KCNQ1: variants seen among roughly 807,000 people sequenced by gnomAD.
The protein encoded by KCNQ1 is potassium voltage-gated channel subfamily KQT member 1.
Under a neutral mutation model 72.4 loss-of-function variants are expected in KCNQ1, and 49 were observed. That is an observed-to-expected ratio of 0.68 (90% CI 0.54 to 0.86). The LOEUF (loss-of-function observed/expected upper bound fraction) is 0.86, where lower values mean the gene tolerates loss of function less well. Among genes scored for constraint, KCNQ1 ranks in the 40% least tolerant of loss-of-function variants. The pLI is 0.00. For missense variants in KCNQ1, 790 were observed against 945.1 expected, an observed-to-expected ratio of 0.84 and a Z score of 2.15; for synonymous variants, 450 against 412.6, an observed-to-expected ratio of 1.09 and a Z score of -1.10.
chr11:2,616,279 C>T (rs1849063014), intron 10 of KCNQ1: 2 of 395,712 alleles, frequency 5.1e-6, no homozygotes, highest in East Asian at 7.2e-5. Flanking sequence ...TGCAACTTCT[C>T]TAATTTTTTA....
chr11:2,706,831 G>A (rs566938989), intron 11 of KCNQ1, among the ~76,000 whole-genome samples: 5 of 152,308 alleles, frequency 3.3e-5, no homozygotes, highest in African/African-American at 9.6e-5. Context: ...ACCACTCCCC[G>A]GTGCAGGTCC....
rs1305753097 is a variant in KCNQ1, at chr11:2,672,457, G to A, written c.1514+10376G>A. The A allele has an allele frequency of 1.8e-5, 7 of 398,516 alleles. No individual in the cohort carries two copies. Among genetic ancestry groups the A allele is most frequent in the Non-Finnish European group, 3.1e-5 (7 of 226,114 alleles). The allele number at this position is 398,516 out of a possible 1,614,324, so 24.7% of individuals were successfully genotyped here. A position where few individuals can be genotyped will look rare whatever the true frequency, so the allele number is the denominator to read the frequency against. ...AGGGGCTCTGAAGAGCTTCAATTGA[G>A]ATATCCTTCCCTAAGGTCCCCACAT... On this transcript the variant is annotated intron_variant, in intron 11 of 15. Coordinates refer to ENST00000155840, the MANE Select transcript of KCNQ1 (RefSeq NM_000218.3).
chr11:2,718,111 G>A (rs545130491), intron 11 of KCNQ1, among the ~76,000 whole-genome samples: 95 of 152,304 alleles, frequency 6.2e-4, no homozygotes, highest in African/African-American at 7.9e-4. Flanking sequence ...CGCGTGCCCC[G>A]TCCTGGCTTA....
rs892030704 is a variant in KCNQ1 at position 2,509,902 on chromosome 11, G to C, written c.387-18026G>C. ...CATGGAGGTGACAAGTGACAGCCGGGAACAGACCCACTGCCAGGGCTGCCT... is the reference window on the plus strand; with the variant it reads ...CATGGAGGTGACAAGTGACAGCCGGCAACAGACCCACTGCCAGGGCTGCCT... On this transcript the variant is annotated intron_variant, in intron 1 of 15. Transcript: ENST00000155840. This position sits in a 1 kb window ranked among gnomAD's most constrained non-coding sequence, Gnocchi z 6.3. Among the ~76,000 whole-genome samples the C allele has an allele frequency of 4.6e-5, 7 of 152,166 alleles. No individual in the cohort carries two copies. The highest frequency in any genetic ancestry group is 1.3e-4 in the Admixed American group (2 of 15,280).
intron 11 of KCNQ1, among the ~76,000 whole-genome samples, chr11:2,765,555 T>G (rs1023972686): frequency 6.6e-6 from 1 of 152,266 alleles, no homozygotes; most frequent in Non-Finnish European, 1.5e-5. Flanking sequence ...CTTTGACTGC[T>G]TTTCTATCAG....
intron 7 of KCNQ1, 49 bp from the exon 8 acceptor site, chr11:2,585,163 G>C (rs1420073101): frequency 1.3e-6 from 2 of 1,519,416 alleles, no homozygotes; most frequent in Non-Finnish European, 1.8e-6. Context: ...GCTGCACCCA[G>C]CTGGCAGTGG....
intron 15 of KCNQ1, among the ~76,000 whole-genome samples, chr11:2,831,646 CT>C (rs1204439919): frequency 2.0e-5 from 3 of 150,698 alleles, no homozygotes; most frequent in Non-Finnish European, 3.0e-5. Context: ...CACATTGCCC[CT>C]CCTCCCCTTT....
intron 12 of KCNQ1, among the ~76,000 whole-genome samples, chr11:2,773,543 A>C (rs1174543085): frequency 2.0e-5 from 3 of 151,912 alleles, no homozygotes; most frequent in Non-Finnish European, 4.4e-5. Flanking sequence ...ATCTTACAGA[A>C]GGGAGCTCAG....
rs1848252514 is a variant in KCNQ1, at chr11:2,566,684, C to T, written c.478-3944C>T. 2.0e-5 allele frequency among the ~76,000 whole-genome samples: 3 copies of T among 152,116 alleles called. No homozygotes were observed. In the South Asian group the frequency reaches 6.2e-4, roughly 32 times the overall value. On this transcript the variant is annotated intron_variant, in intron 2 of 15. Transcript: ENST00000155840. The surrounding 1 kb of genome is among the most constrained non-coding windows in gnomAD (Gnocchi z 6.7). The stretch of plus-strand genomic sequence containing the variant: ...TGGTCTCAGTGGAGACCAAGGACGG[C>T]TCTTCTTCTCGTATCTACGGGGCAG...
chr11:2,534,111 C>A (rs1429335484), intron 2 of KCNQ1, among the ~76,000 whole-genome samples: 1 of 152,106 alleles, frequency 6.6e-6, no homozygotes, highest in African/African-American at 2.4e-5. Context: ...CCTCCCAGCT[C>A]AGAGCAAGGC....
In KCNQ1 at chr11:2,549,371, C is replaced by T. The variant is rs1280727794; in HGVS notation, c.478-21257C>T. On this transcript the variant is annotated intron_variant, in intron 2 of 15. Coordinates refer to ENST00000155840, the MANE Select transcript of KCNQ1 (RefSeq NM_000218.3). The surrounding 1 kb of genome is among the most constrained non-coding windows in gnomAD (Gnocchi z 6.2). ...GGGCGACCCTCCTTGGCCGTCCTTGCCATCCTCGCCATCCTCTCTCCACAC... is the reference window on the plus strand; with the variant it reads ...GGGCGACCCTCCTTGGCCGTCCTTGTCATCCTCGCCATCCTCTCTCCACAC... Among the ~76,000 whole-genome samples, 3 of 152,008 alleles carry T rather than the reference C, an allele frequency of 2.0e-5. No individual in the cohort carries two copies. The highest frequency in any genetic ancestry group is 4.4e-5 in the Non-Finnish European group (3 of 67,972).
Position 2,577,462 on chromosome 11 carries a change from C to T in KCNQ1, c.921+4476C>T, listed in dbSNP as rs555207777. ...GCCTGGCTGTACCTCGGGGAAGACG[C>T]GGCCTGGGGCCTGGGTGCCATGGGG... On this transcript the variant is annotated intron_variant, in intron 6 of 15. Coordinates refer to ENST00000155840, the MANE Select transcript of KCNQ1 (RefSeq NM_000218.3). 3.3e-3 allele frequency among the ~76,000 whole-genome samples: 503 copies of T among 152,328 alleles called. 1 individual carries two copies. The highest frequency in any genetic ancestry group is 0.011 in the African/African-American group (469 of 41,574).
intron 15 of KCNQ1, among the ~76,000 whole-genome samples, chr11:2,807,982 G>T (rs551696378): frequency 6.6e-6 from 1 of 152,330 alleles, no homozygotes; most frequent in African/African-American, 2.4e-5. Flanking sequence ...GTAAGGATGA[G>T]ACAGGAACGG....
Position 2,818,986 on chromosome 11 carries a change from C to T in KCNQ1, c.1795-28781C>T, listed in dbSNP as rs1354087066. Among the ~76,000 whole-genome samples, 1 of 152,206 alleles carries T rather than the reference C, an allele frequency of 6.6e-6. No individual in the cohort carries two copies. The highest frequency in any genetic ancestry group is 1.9e-4 in the East Asian group (1 of 5,190). Reference sequence around the variant, plus strand: ...CCCCACAGGACCCACATCCTGCTCCCAGCTCCAGCCTGAAAGGAGCTAGTC... The same window carrying T: ...CCCCACAGGACCCACATCCTGCTCCTAGCTCCAGCCTGAAAGGAGCTAGTC... On this transcript the variant is annotated intron_variant, in intron 15 of 15. Transcript: ENST00000155840. This position sits in a 1 kb window ranked among gnomAD's most constrained non-coding sequence, Gnocchi z 7.2.
chr11:2,445,373 C>G lies in KCNQ1; in HGVS notation c.275C>G (p.Ser92Cys), dbSNP rs752170852. Reference sequence around the variant, plus strand: ...CCGGTGAGCCTAGACCCGCGCGTCTCCATCTACAGCACGCGCCGCCCGGTG... The same window carrying G: ...CCGGTGAGCCTAGACCCGCGCGTCTGCATCTACAGCACGCGCCGCCCGGTG... ...RPPVSLDPRV[S>C]IYSTRRPVLA... Residue 92 changes from serine (S) to cysteine (C), a missense_variant, in exon 1 of 16, where the codon TCC becomes TGC. Around this residue, in one of 5 missense-constraint regions of KCNQ1, gnomAD observed 294 missense variants for 323.3 expected, o/e 0.91. Coordinates refer to ENST00000155840, the MANE Select transcript of KCNQ1 (RefSeq NM_000218.3). 38 of 1,597,730 alleles carry G rather than the reference C, an allele frequency of 2.4e-5. No homozygotes were observed. Among genetic ancestry groups the G allele is most frequent in the Non-Finnish European group, 3.1e-5 (36 of 1,179,566 alleles).
At position 2,680,209 on chromosome 11, in the gene KCNQ1, A is replaced by T. The variant is rs1008926239; in HGVS notation, c.1514+18128A>T. The T allele has an allele frequency of 3.5e-4, 44 of 124,662 alleles. 1 individual carries two copies. In the East Asian group the frequency reaches 0.057, roughly 160 times the overall value. 7.7% of individuals were successfully genotyped at this position (124,662 alleles called of 1,614,324 possible). A position where few individuals can be genotyped will look rare whatever the true frequency, so the allele number is the denominator to read the frequency against. On this transcript the variant is annotated intron_variant, in intron 11 of 15. Transcript: ENST00000155840. ...ACCTGGCCTCAGCTTGCCTAATTAA[A>T]AAAAAAAAAAAAAAAAAAGTTGTCT...
At chr11:2,650,759 G>T (rs983141099) in intron 10 of KCNQ1, 6 of 398,614 alleles carry the variant, frequency 1.5e-5, no homozygotes, top group Admixed American at 8.8e-5. Flanking sequence ...CTACCCACAG[G>T]CAATTTGAAG....
intron 2 of KCNQ1, among the ~76,000 whole-genome samples, chr11:2,535,154 A>T (rs1241449497): frequency 6.6e-6 from 1 of 152,216 alleles, no homozygotes; most frequent in African/African-American, 2.4e-5. Context: ...AGCCCACCCC[A>T]GGGAGACAGA....
intron 11 of KCNQ1, chr11:2,667,093 T>C (rs1235233776): frequency 3.5e-5 from 14 of 398,476 alleles, no homozygotes; most frequent in Non-Finnish European, 5.3e-5. Context: ...GTTCTTCTAA[T>C]TAAATTAAAA....
Sources: allele counts gnomAD v4.1 joint callset (sites outside exome capture counted in the v4.1 genomes callset), GRCh38; gene constraint gnomAD v4.1.1; regional missense constraint gnomAD v4.1.1; non-coding constraint Gnocchi (gnomAD v3.1); transcripts MANE v1.5; gene names NCBI Gene and HGNC (gene_info 2026-07-23, HGNC 2026-07-21).